IMMP2L: variants seen among roughly 807,000 people sequenced by gnomAD.
IMMP2L encodes the protein inner mitochondrial membrane peptidase subunit 2, also known as mitochondrial inner membrane protease subunit 2.
Under a neutral mutation model 19.3 loss-of-function variants are expected in IMMP2L, and 18 were observed. That is an observed-to-expected ratio of 0.93 (90% CI 0.64 to 1.38). IMMP2L has a LOEUF of 1.38. Among genes scored for constraint, IMMP2L ranks in the 40% most tolerant of loss-of-function variants. The pLI is 0.00. For synonymous variants in IMMP2L, 76 were observed against 73.0 expected (o/e 1.04, Z -0.21); for missense variants, 233 against 218.2 (o/e 1.07, Z -0.43).
Position 111,343,918 on chromosome 7 carries a change from G to A in IMMP2L, c.239+143320C>T, listed in dbSNP as rs559828190. 1.6e-4 allele frequency among the ~76,000 whole-genome samples: 24 copies of A among 152,084 alleles called. No individual in the cohort carries two copies. In the South Asian group the frequency reaches 4.0e-3, roughly 25 times the overall value. On this transcript the variant is annotated intron_variant, in intron 3 of 5. Transcript: ENST00000405709. ...TACTGATCAAAACAGAAAACTGATC[G>A]TGGTCATTGTTTCTTCTCTCTCCCT...
intron 5 of IMMP2L, among the ~76,000 whole-genome samples, chr7:110,748,079 T>C (rs1186087866): frequency 6.6e-6 from 1 of 152,038 alleles, no homozygotes; most frequent in Non-Finnish European, 1.5e-5. Flanking sequence ...TGTGCAAAAA[T>C]CCAAAGCATT....
At chr7:110,747,333 T>C (rs1797418137) in intron 5 of IMMP2L, among the ~76,000 whole-genome samples, 1 of 152,154 alleles carries the variant, frequency 6.6e-6, no homozygotes, top group Admixed American at 6.5e-5. Flanking sequence ...AAAGAGGAGC[T>C]GGTACCATTC....
chr7:110,896,878 C>T (rs975285308), intron 4 of IMMP2L, among the ~76,000 whole-genome samples: 8 of 152,004 alleles, frequency 5.3e-5, no homozygotes, highest in Admixed American at 2.0e-4. Flanking sequence ...ATGACCATAG[C>T]TCACTGCAGC....
chr7:111,453,987 C>T (rs372001300), intron 3 of IMMP2L, among the ~76,000 whole-genome samples: 1 of 152,232 alleles, frequency 6.6e-6, no homozygotes, highest in African/African-American at 2.4e-5. Flanking sequence ...CCAGCTGATA[C>T]ACATAACACT....
At chr7:110,749,704 C>T (rs1231721313) in intron 5 of IMMP2L, among the ~76,000 whole-genome samples, 2 of 152,020 alleles carry the variant, frequency 1.3e-5, no homozygotes, top group Non-Finnish European at 1.5e-5. Context: ...AATGAGAACA[C>T]ATGTACACAG....
chr7:110,771,713 C>T (rs779634521), intron 5 of IMMP2L, among the ~76,000 whole-genome samples: 2 of 152,108 alleles, frequency 1.3e-5, no homozygotes, highest in East Asian at 3.9e-4. Flanking sequence ...AACATCAACA[C>T]AAAACCCAAC....
At chr7:111,375,254 T>A (rs1467354801) in intron 3 of IMMP2L, among the ~76,000 whole-genome samples, 1 of 151,702 alleles carries the variant, frequency 6.6e-6, no homozygotes, top group Non-Finnish European at 1.5e-5. Context: ...AGGAAACAGA[T>A]GAAAAGCCAT....
chr7:111,298,893 G>A (rs528124691), intron 3 of IMMP2L, among the ~76,000 whole-genome samples: 1 of 152,156 alleles, frequency 6.6e-6, no homozygotes, highest in African/African-American at 2.4e-5. Flanking sequence ...AATGCAGGCA[G>A]TATGAAAGAA....
In IMMP2L at chr7:110,870,594, G is replaced by A. The variant is rs1239615618; in HGVS notation, c.408+15999C>T. On this transcript the variant is annotated intron_variant, in intron 5 of 5. Transcript: ENST00000405709. The surrounding 1 kb of genome is among the most constrained non-coding windows in gnomAD (Gnocchi z 4.2). ...CGCATGTGTGCGTGTGTTCCATTTT[G>A]TTAGATGCACAGAAAAAACTCTTCC... is the stretch of plus-strand genomic sequence containing the variant. Among the ~76,000 whole-genome samples the A allele has an allele frequency of 6.6e-6, 1 of 152,114 alleles. No homozygotes were observed. The highest frequency in any genetic ancestry group is 1.5e-5 in the Non-Finnish European group (1 of 68,006).
chr7:110,685,897 A>G (rs774285416), intron 5 of IMMP2L, among the ~76,000 whole-genome samples: 1 of 152,142 alleles, frequency 6.6e-6, no homozygotes, highest in Non-Finnish European at 1.5e-5. Context: ...TTTAAATTAC[A>G]TGTGTGACAG....
intron 5 of IMMP2L, among the ~76,000 whole-genome samples, chr7:110,796,118 A>T (rs1745313536): frequency 6.6e-6 from 1 of 152,032 alleles, no homozygotes; most frequent in Non-Finnish European, 1.5e-5. Flanking sequence ...CCATGTGAAG[A>T]AGGATGTGTT....
At position 111,146,711 on chromosome 7, in the gene IMMP2L, A is replaced by T. The variant is rs543372749; in HGVS notation, c.240-183146T>A. Among the ~76,000 whole-genome samples, 11 of 152,244 alleles carry T rather than the reference A, an allele frequency of 7.2e-5. No individual in the cohort carries two copies. In the East Asian group the frequency reaches 1.7e-3, roughly 24 times the overall value. ...CAGGAATGTAAAAAGATGTTAAAAA[A>T]ATATTTATTAAGTTAATGGATGAAA... On this transcript the variant is annotated intron_variant, in intron 3 of 5. Transcript: ENST00000405709.
At chr7:111,409,885 C>A (rs1349259908) in intron 3 of IMMP2L, among the ~76,000 whole-genome samples, 1 of 151,652 alleles carries the variant, frequency 6.6e-6, no homozygotes. Flanking sequence ...CAGGTGATAT[C>A]TAAGACTGCC....
At position 110,753,541 on chromosome 7, in the gene IMMP2L, C is replaced by T. The variant is rs904423153; in HGVS notation, c.409-89820G>A. On this transcript the variant is annotated intron_variant, in intron 5 of 5. Transcript: ENST00000405709. Reference sequence around the variant, plus strand: ...TGAAATGCTGAATTCTAAACTATTACAGCAATATCATGATACCTCGATTTT... The same window carrying T: ...TGAAATGCTGAATTCTAAACTATTATAGCAATATCATGATACCTCGATTTT... 7.9e-5 allele frequency among the ~76,000 whole-genome samples: 12 copies of T among 152,104 alleles called. No homozygotes were observed. In the East Asian group the frequency reaches 2.3e-3, roughly 29 times the overall value.
chr7:111,406,298 CT>C (rs1833896889), intron 3 of IMMP2L, among the ~76,000 whole-genome samples: 1 of 152,002 alleles, frequency 6.6e-6, no homozygotes, highest in Non-Finnish European at 1.5e-5. Flanking sequence ...AAAAGTACAT[CT>C]TTAAAATATA....
At chr7:111,337,694 C>A (rs146693229) in intron 3 of IMMP2L, among the ~76,000 whole-genome samples, 97 of 152,012 alleles carry the variant, frequency 6.4e-4, no homozygotes, top group African/African-American at 2.1e-3. Context: ...GTTGAATGGG[C>A]AGGTAGGCTG....
intron 2 of IMMP2L, among the ~76,000 whole-genome samples, chr7:111,505,923 A>T (rs1844851230): frequency 6.6e-6 from 1 of 152,090 alleles, no homozygotes; most frequent in African/African-American, 2.4e-5. Flanking sequence ...ATACATATGT[A>T]ACAAACCTGC....
intron 3 of IMMP2L, among the ~76,000 whole-genome samples, chr7:111,335,905 T>A (rs898811431): frequency 1.3e-5 from 2 of 152,146 alleles, no homozygotes; most frequent in Non-Finnish European, 2.9e-5. Flanking sequence ...ATACATCAAA[T>A]GAATAATAAT....
chr7:111,085,336 C>A (rs1796225194), intron 3 of IMMP2L, among the ~76,000 whole-genome samples: 2 of 152,176 alleles, frequency 1.3e-5, no homozygotes, highest in South Asian at 4.1e-4. Flanking sequence ...TCTTCCAAAG[C>A]AGTTGAACTA....
Sources: gnomAD v4.1 joint callset for allele counts (sites outside exome capture counted in the v4.1 genomes callset) on GRCh38, gnomAD v4.1.1 for gene constraint, Gnocchi (gnomAD v3.1) non-coding constraint, MANE v1.5 for transcripts, NCBI Gene and HGNC (gene_info 2026-07-23, HGNC 2026-07-21) for gene names.